Variants in SORCS2 observed in about 807,000 individuals in gnomAD.
SORCS2 encodes the protein sortilin related VPS10 domain containing receptor 2.
SORCS2 carries 100 observed loss-of-function variants against 141.6 expected under a neutral mutation model. That is an observed-to-expected ratio of 0.71 (90% confidence interval 0.60 to 0.83). The LOEUF (loss-of-function observed/expected upper bound fraction) is 0.83. Ranked by LOEUF, SORCS2 falls within the 40% of genes least tolerant of loss-of-function variation. SORCS2 has a pLI of 0.00. For synonymous variants in SORCS2, 789 were observed against 676.9 expected, an observed-to-expected ratio of 1.17 and a Z score of -2.57; for missense variants, 1,646 against 1,560.2, an observed-to-expected ratio of 1.05 and a Z score of -0.93.
At chr4:7,468,373 A>G (rs1205088242) in intron 2 of SORCS2, among the ~76,000 whole-genome samples, 5 of 152,148 alleles carry the variant, frequency 3.3e-5, no homozygotes, top group African/African-American at 9.7e-5. Context: ...CCCTCACGCT[A>G]TGTCTCCATC....
At chr4:7,463,154 C>G (rs954141686) in intron 2 of SORCS2, among the ~76,000 whole-genome samples, 1 of 152,166 alleles carries the variant, frequency 6.6e-6, no homozygotes, top group Admixed American at 6.5e-5. Context: ...GCCAGGGAGC[C>G]TGGCCCCGAA....
At chr4:7,640,422 T>C (rs1291211239) in intron 4 of SORCS2, among the ~76,000 whole-genome samples, 1 of 99,676 alleles carries the variant, frequency 1.0e-5, no homozygotes, top group Non-Finnish European at 2.2e-5. Context: ...GTGTGTGTGA[T>C]CGTGTGTGTG....
chr4:7,316,439 C>A (rs1170687945), intron 1 of SORCS2, among the ~76,000 whole-genome samples: 1 of 152,180 alleles, frequency 6.6e-6, no homozygotes, highest in African/African-American at 2.4e-5. Flanking sequence ...AGCCTCAGCC[C>A]AAGCACAAAA....
intron 3 of SORCS2, among the ~76,000 whole-genome samples, chr4:7,539,039 T>C (rs1712355005): frequency 6.6e-6 from 1 of 152,076 alleles, no homozygotes; most frequent in African/African-American, 2.4e-5. Context: ...GTGAAAGAAA[T>C]TGAGGCCCAG....
intron 1 of SORCS2, among the ~76,000 whole-genome samples, chr4:7,364,917 C>T (rs1218752369): frequency 1.3e-5 from 2 of 152,236 alleles, no homozygotes; most frequent in East Asian, 3.9e-4. Context: ...TACCGGGGTT[C>T]AGGACCTGGC....
At position 7,689,503 on chromosome 4, in the gene SORCS2, C is replaced by T. The variant is rs1724079993; in HGVS notation, c.1506C>T (p.His502=). ...CCTTGCAGCCAGACTGCCACCTGCA[C>T]CTGCACCTGCGCTGGGCAGACAACC... The part of the protein sequence containing the change: ...TNCKPPDCHL[H]LHLRWADNPY... Residue 502 remains histidine (H), a synonymous_variant, in exon 11 of 27, where the codon CAC becomes CAT. Coordinates refer to ENST00000507866, the MANE Select transcript of SORCS2 (RefSeq NM_020777.3). 2 of 1,602,122 alleles carry T rather than the reference C, an allele frequency of 1.2e-6. No homozygotes were observed. The highest frequency in any genetic ancestry group is 1.7e-5 in the Admixed American group (1 of 58,728).
chr4:7,485,276 C>T (rs373068218), intron 2 of SORCS2, among the ~76,000 whole-genome samples: 3 of 152,374 alleles, frequency 2.0e-5, no homozygotes, highest in African/African-American at 7.2e-5. Flanking sequence ...GTGTCTCAGT[C>T]ACTCAGACTC....
At chr4:7,460,884 C>T (rs1385978446) in intron 2 of SORCS2, among the ~76,000 whole-genome samples, 4 of 152,182 alleles carry the variant, frequency 2.6e-5, no homozygotes, top group South Asian at 2.1e-4. Context: ...CGGCTACACA[C>T]GGCCAAGCTC....
chr4:7,388,324 C>A (rs1173868208), intron 1 of SORCS2, among the ~76,000 whole-genome samples: 1 of 152,194 alleles, frequency 6.6e-6, no homozygotes, highest in Non-Finnish European at 1.5e-5. Context: ...GAATCTTAAC[C>A]AGCAGAGAGC....
chr4:7,478,919 C>T (rs532539183), intron 2 of SORCS2, among the ~76,000 whole-genome samples: 6 of 152,306 alleles, frequency 3.9e-5, no homozygotes, highest in East Asian at 1.9e-4. Context: ...TCAAAGCCTC[C>T]GTGGCCTGGT....
chr4:7,611,991 T>G (rs1307406501), intron 3 of SORCS2, among the ~76,000 whole-genome samples: 1 of 152,172 alleles, frequency 6.6e-6, no homozygotes, highest in Admixed American at 6.5e-5. Context: ...GGCTCTGCCG[T>G]GGGTTCCGGT....
At chr4:7,718,220 C>G (rs368853169) in intron 18 of SORCS2, 37 bp downstream of exon 18, 1 of 1,586,222 alleles carries the variant, frequency 6.3e-7, no homozygotes. Context: ...CTGGGACTGT[C>G]GGGCAGGGGC....
intron 2 of SORCS2, among the ~76,000 whole-genome samples, chr4:7,436,232 C>G (rs1727290326): frequency 6.6e-6 from 1 of 152,230 alleles, no homozygotes; most frequent in Non-Finnish European, 1.5e-5. Flanking sequence ...AGGTCATACC[C>G]CAGGTGGGGC....
chr4:7,422,332 G>A (rs1018684900), intron 2 of SORCS2, among the ~76,000 whole-genome samples: 12 of 152,294 alleles, frequency 7.9e-5, no homozygotes, highest in Non-Finnish European at 1.6e-4. Context: ...TGTGCTGCCC[G>A]GAGCCTGCAG....
chr4:7,699,187 C>T (rs1724895545), intron 12 of SORCS2, among the ~76,000 whole-genome samples: 1 of 152,166 alleles, frequency 6.6e-6, no homozygotes, highest in African/African-American at 2.4e-5. Context: ...GGGACAGGCT[C>T]TCTGCTCTCC....
At chr4:7,312,673 C>A (rs2108925216) in intron 1 of SORCS2, among the ~76,000 whole-genome samples, 1 of 152,230 alleles carries the variant, frequency 6.6e-6, no homozygotes, top group African/African-American at 2.4e-5. Flanking sequence ...GGCTCCTGTC[C>A]ATTACCTTGG....
At chr4:7,262,335 T>TATCC (rs111342775) in intron 1 of SORCS2, among the ~76,000 whole-genome samples, 94 of 144,870 alleles carry the variant, frequency 6.5e-4, no homozygotes, top group Non-Finnish European at 1.1e-3. Flanking sequence ...TCCATCCATC[T>TATCC]ATCCATCCAT....
At chr4:7,672,861 C>T (rs74620215) in intron 8 of SORCS2, among the ~76,000 whole-genome samples, 4,678 of 152,264 alleles carry the variant, frequency 0.031, 123 homozygotes, top group Middle Eastern at 0.051. Context: ...AATTGTCCTA[C>T]GTGGCTTCTT....
In SORCS2 at chr4:7,286,894, G is replaced by A. The variant is rs1716262900; in HGVS notation, c.480+93768G>A. ...GTGTCCTGACGGAGCTTCAGTAGCTGAAAGTGGGTCCGAGTGAGGAGACAC... is the reference window on the plus strand; with the variant it reads ...GTGTCCTGACGGAGCTTCAGTAGCTAAAAGTGGGTCCGAGTGAGGAGACAC... On this transcript the variant is annotated intron_variant, in intron 1 of 26. Coordinates refer to ENST00000507866, the MANE Select transcript of SORCS2 (RefSeq NM_020777.3). This position sits in a 1 kb window ranked among gnomAD's most constrained non-coding sequence, Gnocchi z 4.1. Among the ~76,000 whole-genome samples the A allele has an allele frequency of 2.0e-5, 3 of 152,216 alleles. No homozygotes were observed. The highest frequency in any genetic ancestry group is 4.4e-5 in the Non-Finnish European group (3 of 68,038).
Sources: gnomAD v4.1 joint callset for allele counts (sites outside exome capture counted in the v4.1 genomes callset) on GRCh38, gnomAD v4.1.1 for gene constraint, Gnocchi (gnomAD v3.1) non-coding constraint, MANE v1.5 for transcripts, NCBI Gene and HGNC (gene_info 2026-07-23, HGNC 2026-07-21) for gene names.